UNC13B: variants seen among roughly 807,000 people sequenced by gnomAD.
The protein encoded by UNC13B is unc-13 homolog B, also known as protein unc-13 homolog B.
In UNC13B, 144 loss-of-function variants were observed where a neutral mutation model predicts 211.0. That is an observed-to-expected ratio of 0.68 (90% confidence interval 0.60 to 0.78). The LOEUF (loss-of-function observed/expected upper bound fraction) is 0.78. UNC13B is among the 30% of genes least tolerant of loss of function. The pLI is 0.00. For synonymous variants in UNC13B, 709 were observed against 725.8 expected (o/e 0.98, Z 0.37); for missense variants, 1,777 against 2,002.0 (o/e 0.89, Z 2.14).
intron 11 of UNC13B, among the ~76,000 whole-genome samples, chr9:35,350,772 A>G (rs958176314): frequency 2.0e-5 from 3 of 152,236 alleles, no homozygotes; most frequent in Non-Finnish European, 4.4e-5. Context: ...GGTTGCCATC[A>G]CTCAACAAAG....
chr9:35,212,273 A>C (rs1824008834), intron 1 of UNC13B, among the ~76,000 whole-genome samples: 1 of 152,204 alleles, frequency 6.6e-6, no homozygotes, highest in Admixed American at 6.5e-5. Flanking sequence ...GCACAGAGGT[A>C]TAAAATATCT....
intron 1 of UNC13B, among the ~76,000 whole-genome samples, chr9:35,198,046 A>G (rs1174099683): frequency 6.6e-6 from 1 of 152,254 alleles, no homozygotes; most frequent in African/African-American, 2.4e-5. Context: ...CAGTTAAGGT[A>G]ATAATGTTAA....
chr9:35,305,173 T>G lies in UNC13B; in HGVS notation c.5769T>G (p.Ser1923Arg). 2 of 398,926 alleles carry G rather than the reference T, an allele frequency of 5.0e-6. No homozygotes were observed. The highest frequency in any genetic ancestry group is 8.9e-6 in the Non-Finnish European group (2 of 225,984). The allele number at this position is 398,926 out of a possible 1,614,324, so 24.7% of individuals were successfully genotyped here. Residue 1923 changes from serine to arginine, a missense_variant, in exon 9 of 40, where the codon AGT becomes AGG. Transcript: ENST00000635942. ...TTAAAAGTTCATTGAAACTCTTCAG[T>G]CAAGAAGAATCGTCAGTTAGTATGA... The part of the protein sequence containing the change: ...TLFKSSLKLF[S>R]QEESSVSMTA...
intron 7 of UNC13B, among the ~76,000 whole-genome samples, chr9:35,269,808 A>G (rs1405737867): frequency 6.6e-6 from 1 of 152,232 alleles, no homozygotes; most frequent in Non-Finnish European, 1.5e-5. Context: ...CACTGTTATT[A>G]TACTGAACAG....
chr9:35,384,189 A>G (rs1051918363), intron 21 of UNC13B, 57 bp from the exon 22 acceptor site: 1 of 1,610,132 alleles, frequency 6.2e-7, no homozygotes, highest in African/African-American at 1.3e-5. Context: ...GTTATAGTTT[A>G]GGGGACTCAG....
intron 1 of UNC13B, among the ~76,000 whole-genome samples, chr9:35,168,747 G>C (rs1283575733): frequency 4.0e-5 from 6 of 150,384 alleles, no homozygotes; most frequent in African/African-American, 1.5e-4. Flanking sequence ...TGTTGCCCAG[G>C]CTGGGGTGCA....
intron 11 of UNC13B, among the ~76,000 whole-genome samples, chr9:35,317,767 C>T (rs866929122): frequency 3.5e-4 from 52 of 149,860 alleles, no homozygotes; most frequent in African/African-American, 1.3e-3. Context: ...AAACTCCTGA[C>T]CTCAAGTGAT....
intron 7 of UNC13B, among the ~76,000 whole-genome samples, chr9:35,291,637 G>A (rs1829103512): frequency 6.6e-6 from 1 of 152,186 alleles, no homozygotes; most frequent in African/African-American, 2.4e-5. Context: ...CTGAGGATAT[G>A]GCTTGGCTTT....
At chr9:35,203,116 C>T (rs1442947279) in intron 1 of UNC13B, among the ~76,000 whole-genome samples, 2 of 152,204 alleles carry the variant, frequency 1.3e-5, no homozygotes, top group East Asian at 3.9e-4. Flanking sequence ...ATCCAATTTG[C>T]CAGTCTGTGT....
chr9:35,280,999 G>A (rs539257932), intron 7 of UNC13B, among the ~76,000 whole-genome samples: 1 of 152,100 alleles, frequency 6.6e-6, no homozygotes, highest in South Asian at 2.1e-4. Flanking sequence ...TCTTGTTATA[G>A]GTTTCATTGG....
intron 6 of UNC13B, among the ~76,000 whole-genome samples, chr9:35,249,287 GATGAGTC>G: frequency 6.6e-6 from 1 of 152,036 alleles, no homozygotes; most frequent in South Asian, 2.2e-4. Flanking sequence ...ACAGCACATT[GATGAGTC>G]TTGACTCTTT....
chr9:35,259,636 G>T (rs926187151), intron 7 of UNC13B, among the ~76,000 whole-genome samples: 14 of 152,002 alleles, frequency 9.2e-5, no homozygotes, highest in African/African-American at 3.4e-4. Flanking sequence ...AGATCACACA[G>T]ATTAATTATT....
rs190267928 is a variant in UNC13B at position 35,287,651 on chromosome 9, T to G, written c.527-8045T>G. Among the ~76,000 whole-genome samples the G allele has an allele frequency of 9.8e-4, 149 of 152,342 alleles. 2 individuals are homozygous for G. The highest frequency in any genetic ancestry group is 1.6e-3 in the Non-Finnish European group (111 of 68,030). On this transcript the variant is annotated intron_variant, in intron 7 of 39. Coordinates refer to ENST00000635942, the MANE Select transcript of UNC13B (RefSeq NM_001371189.2). ...TTGGCCTGCACTCTGCCTTAGTGTT[T>G]TTATTTACTTGCATTTTTATTTATA...
In UNC13B at chr9:35,382,507, G is replaced by T. The variant is rs758225669; in HGVS notation, c.10806G>T (p.Gly3602=). The T allele has an allele frequency of 6.8e-6, 11 of 1,611,278 alleles. No homozygotes were observed. The highest frequency in any genetic ancestry group is 9.3e-6 in the Non-Finnish European group (11 of 1,179,342). Residue 3602 remains glycine, a splice_region_variant and synonymous_variant, in exon 21 of 40, where the codon GGG becomes GGT. Transcript: ENST00000635942. ...ASDRFAASNF[G]KERFVKLLDQ... is the part of the protein sequence containing the mutation. ...ATCGCTTTGCAGCCTCCAACTTTGG[G>T]GTAAGTATCATGTAAACACATATGT...
At chr9:35,215,631 A>G (rs745463019) in intron 1 of UNC13B, among the ~76,000 whole-genome samples, 7 of 152,190 alleles carry the variant, frequency 4.6e-5, no homozygotes, top group Non-Finnish European at 1.0e-4. Context: ...TTTCAAGGAT[A>G]GGGTTTTTAT....
At chr9:35,376,847 A>C (rs1436726844) in intron 15 of UNC13B, among the ~76,000 whole-genome samples, 2 of 152,152 alleles carry the variant, frequency 1.3e-5, no homozygotes, top group Non-Finnish European at 2.9e-5. Context: ...AAAAGCAACA[A>C]GTTCTTGTTA....
chr9:35,356,752 T>C (rs1230171646), intron 11 of UNC13B, among the ~76,000 whole-genome samples: 4 of 152,182 alleles, frequency 2.6e-5, no homozygotes, highest in Non-Finnish European at 5.9e-5. Context: ...CTCTTACCCA[T>C]TGGCAGTCAC....
intron 25 of UNC13B, 137 bp downstream of exon 25, chr9:35,390,110 G>T (rs1056453642): frequency 4.8e-6 from 7 of 1,463,066 alleles, no homozygotes; most frequent in Admixed American, 1.9e-5. Flanking sequence ...TCTGTCCCTT[G>T]TATCTGTCTG....
chr9:35,318,062 A>G (rs1031584301), intron 11 of UNC13B, among the ~76,000 whole-genome samples: 2 of 129,214 alleles, frequency 1.5e-5, no homozygotes, highest in African/African-American at 6.4e-5. Flanking sequence ...AAGTATAATA[A>G]TTCAGTCTCT....
Sources: allele counts gnomAD v4.1 joint callset (sites outside exome capture counted in the v4.1 genomes callset), GRCh38; gene constraint gnomAD v4.1.1; transcripts MANE v1.5; gene names NCBI Gene and HGNC (gene_info 2026-07-23, HGNC 2026-07-21).